The following ARHGAP42 variants were observed in gnomAD, a reference collection of about 807,000 sequenced individuals.
ARHGAP42 encodes rho GTPase-activating protein 42.
ARHGAP42 carries 63 observed loss-of-function variants against 125.0 expected under a neutral mutation model. That is an observed-to-expected ratio of 0.50 (90% CI 0.41 to 0.62). ARHGAP42 has a LOEUF of 0.62. ARHGAP42 is among the 20% of genes least tolerant of loss of function. The probability of loss-of-function intolerance (pLI) is 0.00; values close to 1 mark genes in which losing one functional copy is unlikely to be tolerated. For missense variants in ARHGAP42, 766 were observed against 1,024.2 expected (o/e 0.75, Z 3.44); for synonymous variants, 339 against 351.0 (o/e 0.97, Z 0.38).
chr11:100,973,200 C>T lies in ARHGAP42; in HGVS notation c.1576C>T (p.Leu526Phe), dbSNP rs1858299529. ...AGTATCACTACACAGCCAACAAAAT[C>T]TCATGACTGTCTCAAATCTTGGTGT... ...VKVSLHSQQN[L>F]MTVSNLGVIF... Residue 526 changes from leucine to phenylalanine, a missense_variant, in exon 18 of 24, where the codon CTC becomes TTC. Around this residue, in one of 3 missense-constraint regions of ARHGAP42, gnomAD observed 455 missense variants for 636.5 expected, o/e 0.71. Coordinates refer to ENST00000298815, the MANE Select transcript of ARHGAP42 (RefSeq NM_152432.4). 1.9e-6 allele frequency: 3 copies of T among 1,550,282 alleles called. No homozygotes were observed. Among genetic ancestry groups the T allele is most frequent in the Non-Finnish European group, 2.6e-6 (3 of 1,146,356 alleles).
intron 4 of ARHGAP42, among the ~76,000 whole-genome samples, chr11:100,861,395 A>G (rs1267110289): frequency 6.6e-6 from 1 of 152,198 alleles, no homozygotes; most frequent in African/African-American, 2.4e-5. Context: ...GGCAGTGATA[A>G]GCAATAGAAA....
intron 3 of ARHGAP42, among the ~76,000 whole-genome samples, chr11:100,806,136 T>G (rs1591195784): frequency 6.6e-6 from 1 of 152,322 alleles, no homozygotes; most frequent in African/African-American, 2.4e-5. Context: ...CCTTTGACAG[T>G]TCCCACATTA....
intron 5 of ARHGAP42, among the ~76,000 whole-genome samples, chr11:100,919,390 G>A (rs958455427): frequency 2.0e-5 from 3 of 151,998 alleles, no homozygotes; most frequent in Admixed American, 6.6e-5. Flanking sequence ...CCAGACACCA[G>A]CCAAGGGCCA....
At chr11:100,791,085 T>C (rs1015412879) in intron 2 of ARHGAP42, among the ~76,000 whole-genome samples, 2 of 152,200 alleles carry the variant, frequency 1.3e-5, no homozygotes, top group African/African-American at 4.8e-5. Flanking sequence ...ATTTTGTGTA[T>C]GCTTTTTGTC....
chr11:100,878,874 T>C (rs559566400), intron 4 of ARHGAP42, among the ~76,000 whole-genome samples: 33 of 151,924 alleles, frequency 2.2e-4, no homozygotes, highest in Admixed American at 1.3e-4. Flanking sequence ...GCTTATTCTT[T>C]GGGGAGTTAC....
intron 2 of ARHGAP42, among the ~76,000 whole-genome samples, chr11:100,780,303 T>A (rs2135009160): frequency 6.6e-6 from 1 of 152,300 alleles, no homozygotes; most frequent in East Asian, 1.9e-4. Context: ...AGAACTTTTA[T>A]CTATGGTTAG....
intron 3 of ARHGAP42, among the ~76,000 whole-genome samples, chr11:100,842,164 A>G (rs979400061): frequency 2.0e-5 from 3 of 152,178 alleles, no homozygotes; most frequent in Non-Finnish European, 2.9e-5. Flanking sequence ...ATGACAAAAA[A>G]TAGTCTGTGT....
intron 4 of ARHGAP42, among the ~76,000 whole-genome samples, chr11:100,909,499 A>C (rs1172650287): frequency 6.6e-6 from 1 of 151,960 alleles, no homozygotes; most frequent in East Asian, 1.9e-4. Context: ...GCCCGTCGCC[A>C]TGCCCAGCTA....
intron 10 of ARHGAP42, 64 bp from the exon 11 acceptor site, chr11:100,948,393 T>C: frequency 1.7e-6 from 2 of 1,167,612 alleles, no homozygotes; most frequent in South Asian, 1.9e-5. Flanking sequence ...TTTATCTTTT[T>C]AGTTAACTGA....
At chr11:100,818,026 A>G (rs1348319875) in intron 3 of ARHGAP42, among the ~76,000 whole-genome samples, 2 of 152,214 alleles carry the variant, frequency 1.3e-5, no homozygotes, top group East Asian at 3.8e-4. Flanking sequence ...CAAACCATTC[A>G]TATTGGCTCC....
At chr11:100,870,518 A>G (rs1865671584) in intron 4 of ARHGAP42, among the ~76,000 whole-genome samples, 1 of 152,086 alleles carries the variant, frequency 6.6e-6, no homozygotes, top group Non-Finnish European at 1.5e-5. Flanking sequence ...ACGCATTACT[A>G]TTTTTACTTA....
intron 4 of ARHGAP42, among the ~76,000 whole-genome samples, chr11:100,872,339 G>A (rs1316983925): frequency 6.6e-6 from 1 of 152,048 alleles, no homozygotes; most frequent in Non-Finnish European, 1.5e-5. Context: ...ACTTTTTGGT[G>A]AGACTTTTTA....
chr11:100,935,667 C>CAA (rs1257418384), intron 7 of ARHGAP42, among the ~76,000 whole-genome samples: 3 of 112,280 alleles, frequency 2.7e-5, no homozygotes, highest in Admixed American at 1.7e-4. Context: ...CACACACACA[C>CAA]ACACACACAC....
intron 19 of ARHGAP42, among the ~76,000 whole-genome samples, chr11:100,975,773 T>C (rs878957763): frequency 6.6e-6 from 1 of 152,212 alleles, no homozygotes; most frequent in Non-Finnish European, 1.5e-5. Context: ...AACCCACTTA[T>C]GCTTCAAGAA....
chr11:100,955,101 A>T (rs1857769293), intron 12 of ARHGAP42, among the ~76,000 whole-genome samples: 1 of 152,126 alleles, frequency 6.6e-6, no homozygotes, highest in South Asian at 2.1e-4. Context: ...GCTCTGTGGA[A>T]GACTATTCTT....
At chr11:100,751,279 G>GTTTT (rs71465331) in intron 1 of ARHGAP42, among the ~76,000 whole-genome samples, 4 of 93,468 alleles carry the variant, frequency 4.3e-5, no homozygotes, top group Non-Finnish European at 6.0e-5. Context: ...GTGTGTGTGT[G>GTTTT]TTTTTTTTTT....
At chr11:100,832,801 T>G (rs1305152563) in intron 3 of ARHGAP42, among the ~76,000 whole-genome samples, 1 of 152,160 alleles carries the variant, frequency 6.6e-6, no homozygotes, top group Non-Finnish European at 1.5e-5. Context: ...AGGATATGAA[T>G]TGGAAGGAAG....
At chr11:100,927,460 T>C (rs1425838403) in intron 6 of ARHGAP42, among the ~76,000 whole-genome samples, 1 of 152,184 alleles carries the variant, frequency 6.6e-6, no homozygotes, top group African/African-American at 2.4e-5. Flanking sequence ...AAAAATAAAA[T>C]CTGTAATGGT....
intron 4 of ARHGAP42, among the ~76,000 whole-genome samples, chr11:100,888,110 A>G (rs1006534877): frequency 6.6e-6 from 1 of 152,210 alleles, no homozygotes; most frequent in African/African-American, 2.4e-5. Context: ...TCATGGTGGA[A>G]GGCTACATAC....
Sources: allele counts gnomAD v4.1 joint callset (sites outside exome capture counted in the v4.1 genomes callset), GRCh38; gene constraint gnomAD v4.1.1; regional missense constraint gnomAD v4.1.1; transcripts MANE v1.5; gene names NCBI Gene and HGNC (gene_info 2026-07-23, HGNC 2026-07-21).